Variants in SOX6 observed in about 807,000 individuals in gnomAD.
The protein encoded by SOX6 is SRY-box transcription factor 6.
A neutral mutation model predicts 97.8 loss-of-function variants in SOX6; 11 were observed. The observed-to-expected ratio is 0.11, with a 90% CI of 0.07 to 0.19. The LOEUF is 0.19. Ranked by LOEUF, SOX6 falls within the 10% of genes least tolerant of loss-of-function variation. The pLI is 1.00. For synonymous variants in SOX6, 360 were observed against 371.4 expected, an observed-to-expected ratio of 0.97 and a Z score of 0.35; for missense variants, 810 against 1,039.5, an observed-to-expected ratio of 0.78 and a Z score of 3.04.
intron 7 of SOX6, among the ~76,000 whole-genome samples, chr11:16,103,365 AT>A (rs201650619): frequency 0.011 from 1,606 of 152,010 alleles, 27 homozygotes; most frequent in African/African-American, 0.037. Flanking sequence ...TAAAAAAAAA[AT>A]AAATAATGAT....
chr11:16,230,846 T>C (rs1590048071), intron 4 of SOX6, among the ~76,000 whole-genome samples: 1 of 151,786 alleles, frequency 6.6e-6, no homozygotes. Flanking sequence ...AAAGTTTAGA[T>C]GGAAAAATCA....
chr11:16,280,197 T>G (rs1854514925), intron 3 of SOX6, among the ~76,000 whole-genome samples: 1 of 152,054 alleles, frequency 6.6e-6, no homozygotes, highest in Non-Finnish European at 1.5e-5. Context: ...TTGTCGAAAA[T>G]GCAGATACAG....
At chr11:16,559,856 T>C (rs1434898445) in intron 4 of SOX6, among the ~76,000 whole-genome samples, 2 of 152,134 alleles carry the variant, frequency 1.3e-5, no homozygotes, top group Non-Finnish European at 2.9e-5. Flanking sequence ...AATATTCACT[T>C]TTGAACCCCT....
intron 2 of SOX6, among the ~76,000 whole-genome samples, chr11:16,734,489 T>C (rs1848376455): frequency 6.6e-6 from 1 of 152,158 alleles, no homozygotes; most frequent in Non-Finnish European, 1.5e-5. Flanking sequence ...CCTCATTCTA[T>C]CCTTAAATCT....
chr11:16,084,545 G>A (rs1347059632), intron 9 of SOX6, among the ~76,000 whole-genome samples: 1 of 152,006 alleles, frequency 6.6e-6, no homozygotes, highest in Non-Finnish European at 1.5e-5. Flanking sequence ...CCTACTGAGG[G>A]GGTGTCATTA....
intron 12 of SOX6, among the ~76,000 whole-genome samples, chr11:16,041,166 C>T (rs113476558): frequency 0.014 from 2,118 of 152,130 alleles, 44 homozygotes; most frequent in African/African-American, 0.049. Context: ...ACAACCAAAC[C>T]TCACTAGTCT....
chr11:16,431,997 G>A (rs1183927255), intron 1 of SOX6, among the ~76,000 whole-genome samples: 1 of 152,054 alleles, frequency 6.6e-6, no homozygotes, highest in East Asian at 1.9e-4. Flanking sequence ...CAAAGATATG[G>A]TATTGTTTGG....
At chr11:16,620,795 A>T (rs1328692306) in intron 3 of SOX6, among the ~76,000 whole-genome samples, 1 of 152,132 alleles carries the variant, frequency 6.6e-6, no homozygotes, top group African/African-American at 2.4e-5. Flanking sequence ...GGCCATATCA[A>T]TTGGACCTAG....
intron 4 of SOX6, among the ~76,000 whole-genome samples, chr11:16,545,208 G>A (rs1847603721): frequency 6.6e-6 from 1 of 151,832 alleles, no homozygotes; most frequent in Non-Finnish European, 1.5e-5. Context: ...GAAATGAATA[G>A]GCCATATAGT....
At chr11:16,445,347 T>C (rs374815317) in intron 1 of SOX6, among the ~76,000 whole-genome samples, 1 of 152,174 alleles carries the variant, frequency 6.6e-6, no homozygotes, top group African/African-American at 2.4e-5. Context: ...CATCTGAATA[T>C]ACTAATGCTT....
At chr11:16,132,402 A>AAAG (rs1163006154) in intron 6 of SOX6, among the ~76,000 whole-genome samples, 6 of 33,382 alleles carry the variant, frequency 1.8e-4, no homozygotes, top group African/African-American at 6.2e-4. Flanking sequence ...AAGAAAGAAA[A>AAAG]AAGAAAGAAA....
intron 12 of SOX6, among the ~76,000 whole-genome samples, chr11:16,017,580 G>A (rs561674671): frequency 1.1e-3 from 173 of 152,138 alleles, no homozygotes; most frequent in Non-Finnish European, 2.2e-3. Flanking sequence ...CATAAGATAA[G>A]AGGGCCTGAT....
chr11:16,551,498 T>C (rs1438443851), intron 4 of SOX6, among the ~76,000 whole-genome samples: 3 of 152,204 alleles, frequency 2.0e-5, no homozygotes, highest in Non-Finnish European at 4.4e-5. Context: ...ACATTTTAAA[T>C]AGATTCACAG....
chr11:16,640,664 T>C (rs1400398087), intron 3 of SOX6, among the ~76,000 whole-genome samples: 1 of 152,228 alleles, frequency 6.6e-6, no homozygotes, highest in Non-Finnish European at 1.5e-5. Flanking sequence ...GAGGAATTTA[T>C]CCATTTCTTC....
In SOX6 at chr11:16,089,577, A is replaced by C. The variant is rs143961143; in HGVS notation, c.1101+6419T>G. Among the ~76,000 whole-genome samples the C allele has an allele frequency of 3.5e-4, 54 of 152,224 alleles. No individual in the cohort carries two copies. In the East Asian group the frequency reaches 9.5e-3, roughly 27 times the overall value. ...GCTAAAATAAAGCAAGATGTTTTCAAATCAGTACATTGAGTTTAAATCATC... is the reference window on the plus strand; with the variant it reads ...GCTAAAATAAAGCAAGATGTTTTCACATCAGTACATTGAGTTTAAATCATC... On this transcript the variant is annotated intron_variant, in intron 9 of 15. Transcript: ENST00000683767.
intron 6 of SOX6, among the ~76,000 whole-genome samples, chr11:16,172,655 TA>T (rs1259160026): frequency 6.6e-6 from 1 of 152,056 alleles, no homozygotes; most frequent in Non-Finnish European, 1.5e-5. Context: ...TCTCCTTTTT[TA>T]AAGTAACAGA....
At chr11:16,088,809 C>T (rs907959261) in intron 9 of SOX6, among the ~76,000 whole-genome samples, 1 of 152,152 alleles carries the variant, frequency 6.6e-6, no homozygotes, top group Non-Finnish European at 1.5e-5. Flanking sequence ...AGCTCTATTT[C>T]AAACTGGCTT....
intron 1 of SOX6, among the ~76,000 whole-genome samples, chr11:16,342,250 A>T (rs77042327): frequency 0.02 from 3,088 of 152,086 alleles, 105 homozygotes; most frequent in African/African-American, 0.071. Flanking sequence ...TCTTGGCAAA[A>T]TGGTTAGAAA....
chr11:16,355,078 T>C (rs994814648), intron 1 of SOX6, among the ~76,000 whole-genome samples: 4 of 151,994 alleles, frequency 2.6e-5, no homozygotes, highest in African/African-American at 7.2e-5. Context: ...GGTATTCTGG[T>C]CAATTCATTA....
Sources: gnomAD v4.1 joint callset for allele counts (sites outside exome capture counted in the v4.1 genomes callset) on GRCh38, gnomAD v4.1.1 for gene constraint, MANE v1.5 for transcripts, NCBI Gene and HGNC (gene_info 2026-07-23, HGNC 2026-07-21) for gene names.